APOC2: variants seen among roughly 807,000 people sequenced by gnomAD.
APOC2 encodes the protein apolipoprotein C2.
In APOC2, 6 loss-of-function variants were observed where a neutral mutation model predicts 10.2. The ratio of observed to expected loss-of-function variants is 0.59; its 90% confidence interval spans 0.32 to 1.16. The LOEUF is 1.16. Among genes scored for constraint, APOC2 ranks in the 50% most tolerant of loss-of-function variants. The pLI is 0.05. For synonymous variants in APOC2, 56 were observed against 48.5 expected, an observed-to-expected ratio of 1.15 and a Z score of -0.64; for missense variants, 110 against 117.6, an observed-to-expected ratio of 0.94 and a Z score of 0.30.
intron 3 of APOC2, 100 bp downstream of exon 3, chr19:44,948,960 A>G: frequency 6.6e-7 from 1 of 1,522,616 alleles, no homozygotes; most frequent in Non-Finnish European, 9.0e-7. Context: ...CAGACCCAGG[A>G]GTCCAGGCCT....
chr19:44,949,116 C>T (rs1207791147), intron 3 of APOC2, 43 bp from the exon 4 acceptor site: 1 of 1,569,174 alleles, frequency 6.4e-7, no homozygotes, highest in Admixed American at 1.7e-5. Context: ...GAGTCCAGGC[C>T]CCCAGCCCCT....
Position 44,949,300 on chromosome 19 carries a change from T to A in APOC2, c.*51T>A. 1 of 1,472,588 alleles carries A rather than the reference T, an allele frequency of 6.8e-7. No individual in the cohort carries two copies. Among genetic ancestry groups the A allele is most frequent in the Non-Finnish European group, 9.4e-7 (1 of 1,061,094 alleles). The allele number at this position is 1,472,588 out of a possible 1,614,324, so 91.2% of individuals were successfully genotyped here. On this transcript the variant is annotated 3_prime_UTR_variant, in exon 4 of 4. Coordinates refer to ENST00000252490, the MANE Select transcript of APOC2 (RefSeq NM_000483.5). ...AGGGGAGAGTCCCCTACTCCCCTGA[T>A]CCCCCAGGTTCAGACTGAGCTCCCC...
intron 1 of APOC2, among the ~76,000 whole-genome samples, chr19:44,947,518 G>A (rs1970334910): frequency 6.6e-6 from 1 of 152,208 alleles, no homozygotes; most frequent in South Asian, 2.1e-4. Context: ...TTCTAGGCTG[G>A]GCTCAGTGGC....
intron 2 of APOC2, 84 bp downstream of exon 2, chr19:44,948,617 T>G: frequency 6.2e-7 from 1 of 1,604,428 alleles, no homozygotes; most frequent in Non-Finnish European, 8.5e-7. Context: ...TTCTTACCTC[T>G]GCCTCTGCCC....
In APOC2 at chr19:44,948,694, C is replaced by T; in HGVS notation, c.56-7C>T. On this transcript the variant is annotated splice_region_variant and splice_polypyrimidine_tract_variant and intron_variant, in intron 2 of 3. Transcript: ENST00000252490. ...ACGGGCTCTCCTGACACACTCTCCC[C>T]CTGCAGAGGTCCAGGGGACCCAACA... 6.2e-7 allele frequency: 1 copy of T among 1,614,070 alleles called. No individual in the cohort carries two copies. Among genetic ancestry groups the T allele is most frequent in the Non-Finnish European group, 8.5e-7 (1 of 1,179,990 alleles).
intron 1 of APOC2, among the ~76,000 whole-genome samples, chr19:44,946,687 T>C (rs867746615): frequency 6.6e-6 from 1 of 151,926 alleles, no homozygotes; most frequent in Non-Finnish European, 1.5e-5. Context: ...CCGGGTGTGG[T>C]AGCATATGCC....
Position 44,948,551 on chromosome 19 carries a change from G to T in APOC2, c.55+18G>T. 1.2e-6 allele frequency: 2 copies of T among 1,612,988 alleles called. No individual in the cohort carries two copies. The highest frequency in any genetic ancestry group is 2.7e-5 in the African/African-American group (2 of 74,984). ...GGGATTTGGTGAGTGTGGGCTTCCG[G>T]GGAGGGAAGCCTTGGGGAGGGGAAT... On this transcript the variant is annotated intron_variant, in intron 2 of 3. Coordinates refer to ENST00000252490, the MANE Select transcript of APOC2 (RefSeq NM_000483.5).
Position 44,949,170 on chromosome 19 carries a change from G to A in APOC2, c.227G>A (p.Ser76Asn). ...TGCTTTCTCCCCAGGGACTTGTACA[G>A]CAAAAGCACAGCAGCCATGAGCACT... ...AVDEKLRDLY[S>N]KSTAAMSTYT... The change falls in exon 4 of 4, where the codon AGC (serine) becomes AAC (asparagine). Residue 76 changes from serine to asparagine, a missense_variant. Physicochemically the swap from Ser to Asn is conservative, Grantham distance 46. Coordinates refer to ENST00000252490, the MANE Select transcript of APOC2 (RefSeq NM_000483.5). 1 of 1,613,658 alleles carries A rather than the reference G, an allele frequency of 6.2e-7. No individual in the cohort carries two copies. The highest frequency in any genetic ancestry group is 8.5e-7 in the Non-Finnish European group (1 of 1,179,906).
chr19:44,949,015 T>TCTA (rs1970354769), intron 3 of APOC2, 144 bp from the exon 4 acceptor site: 1 of 1,010,286 alleles, frequency 9.9e-7, no homozygotes, highest in African/African-American at 2.6e-5. Flanking sequence ...CCCCAGCCCG[T>TCTA]CCTCCCTCAG....
At position 44,949,268 on chromosome 19, in the gene APOC2, G is replaced by C; in HGVS notation, c.*19G>C. The stretch of plus-strand genomic sequence containing the variant: ...GGAGTAACAGCCAGACCCCCCATCA[G>C]TGGACAAGGGGAGAGTCCCCTACTC... On this transcript the variant is annotated 3_prime_UTR_variant, in exon 4 of 4. Coordinates refer to ENST00000252490, the MANE Select transcript of APOC2 (RefSeq NM_000483.5). 6.2e-7 allele frequency: 1 copy of C among 1,607,218 alleles called. No individual in the cohort carries two copies. Among genetic ancestry groups the C allele is most frequent in the Non-Finnish European group, 8.5e-7 (1 of 1,175,370 alleles).
intron 1 of APOC2, among the ~76,000 whole-genome samples, chr19:44,948,056 G>A (rs768011503): frequency 3.3e-5 from 5 of 152,038 alleles, no homozygotes; most frequent in African/African-American, 4.8e-5. Flanking sequence ...GTGACAGAGC[G>A]AGACTCCATC....
chr19:44,948,541 T>A lies in APOC2; in HGVS notation c.55+8T>A. 2 of 1,613,958 alleles carry A rather than the reference T, an allele frequency of 1.2e-6. No individual in the cohort carries two copies. The highest frequency in any genetic ancestry group is 2.2e-5 in the South Asian group (2 of 91,070). On this transcript the variant is annotated splice_region_variant and intron_variant, in intron 2 of 3. Coordinates refer to ENST00000252490, the MANE Select transcript of APOC2 (RefSeq NM_000483.5). The stretch of plus-strand genomic sequence containing the variant: ...TCCTGGTATTGGGATTTGGTGAGTG[T>A]GGGCTTCCGGGGAGGGAAGCCTTGG...
intron 1 of APOC2, among the ~76,000 whole-genome samples, chr19:44,947,476 G>C (rs182695610): frequency 6.6e-5 from 10 of 152,264 alleles, no homozygotes; most frequent in Admixed American, 1.3e-4. Flanking sequence ...TTCCCTGCTG[G>C]GCCCAGAACT....
intron 3 of APOC2, 142 bp downstream of exon 3, chr19:44,949,002 G>C: frequency 8.6e-7 from 1 of 1,162,556 alleles, no homozygotes; most frequent in Non-Finnish European, 1.2e-6. Context: ...CAGGAGTCCA[G>C]GCCCCCAGCC....
At chr19:44,947,306 G>C (rs931583754) in intron 1 of APOC2, 1 of 152,242 alleles carries the variant, frequency 6.6e-6, no homozygotes, top group Non-Finnish European at 1.5e-5. Flanking sequence ...CTCTCTCATA[G>C]AGCAGGTGAG....
rs1392234344 is a variant in APOC2 at position 44,948,511 on chromosome 19, T to C, written c.33T>C (p.Leu11=). Residue 11 remains leucine, a synonymous_variant, in exon 2 of 4, where the codon CTT becomes CTC. Coordinates refer to ENST00000252490, the MANE Select transcript of APOC2 (RefSeq NM_000483.5). The part of the protein sequence containing the change: MGTRLLPALF[L]VLLVLGFEVQ... ...CACGACTCCTCCCAGCTCTGTTTCT[T>C]GTCCTCCTGGTATTGGGATTTGGTG... 2.5e-6 allele frequency: 4 copies of C among 1,614,108 alleles called. No individual in the cohort carries two copies. The highest frequency in any genetic ancestry group is 2.2e-5 in the East Asian group (1 of 44,860).
Position 44,949,323 on chromosome 19 carries a change from C to A in APOC2, c.*74C>A. On this transcript the variant is annotated 3_prime_UTR_variant, in exon 4 of 4. Coordinates refer to ENST00000252490, the MANE Select transcript of APOC2 (RefSeq NM_000483.5). Reference sequence around the variant, plus strand: ...GATCCCCCAGGTTCAGACTGAGCTCCCCCTTCCCAGTAGCTCTTGCATCCT... The same window carrying A: ...GATCCCCCAGGTTCAGACTGAGCTCACCCTTCCCAGTAGCTCTTGCATCCT... 1 of 1,165,330 alleles carries A rather than the reference C, an allele frequency of 8.6e-7. No homozygotes were observed. The highest frequency in any genetic ancestry group is 1.3e-6 in the Non-Finnish European group (1 of 787,594). The allele number at this position is 1,165,330 out of a possible 1,614,324, so 72.2% of individuals were successfully genotyped here. A position where few individuals can be genotyped will look rare whatever the true frequency, so the allele number is the denominator to read the frequency against.
At position 44,949,537 on chromosome 19, in the gene APOC2, A is replaced by C. The variant is rs779691097; in HGVS notation, c.*288A>C. The C allele has an allele frequency of 2.3e-6, 1 of 439,648 alleles. No homozygotes were observed. The highest frequency in any genetic ancestry group is 4.2e-6 in the Non-Finnish European group (1 of 240,120). 27.2% of individuals were successfully genotyped at this position (439,648 alleles called of 1,614,324 possible). ...TGGGTCCATGGGAATAAAGCAGTGA[A>C]TAGTAACAATAAATAATCGTAACAG... On this transcript the variant is annotated 3_prime_UTR_variant, in exon 4 of 4. Coordinates refer to ENST00000252490, the MANE Select transcript of APOC2 (RefSeq NM_000483.5).
At chr19:44,948,624 G>GCCTCTT (rs1970348855) in intron 2 of APOC2, 77 bp from the exon 3 acceptor site, 1 of 1,604,298 alleles carries the variant, frequency 6.2e-7, no homozygotes, top group Non-Finnish European at 8.5e-7. Context: ...CTCTGCCTCT[G>GCCTCTT]CCCTCTCCTC....
Sources: allele counts gnomAD v4.1 joint callset (sites outside exome capture counted in the v4.1 genomes callset), GRCh38; gene constraint gnomAD v4.1.1; transcripts MANE v1.5; gene names NCBI Gene and HGNC (gene_info 2026-07-23, HGNC 2026-07-21).